NCS1: variants seen among roughly 807,000 people sequenced by gnomAD.
The protein encoded by NCS1 is frequenin homolog.
NCS1 carries 6 observed loss-of-function variants against 28.4 expected under a neutral mutation model. The ratio of observed to expected loss-of-function variants is 0.21; its 90% CI spans 0.12 to 0.42. The LOEUF (loss-of-function observed/expected upper bound fraction) is 0.42, where lower values mean the gene tolerates loss of function less well. Among genes scored for constraint, NCS1 ranks in the 10% least tolerant of loss-of-function variants. The pLI is 1.00. For synonymous variants in NCS1, 86 were observed against 99.3 expected, an observed-to-expected ratio of 0.87 and a Z score of 0.79; for missense variants, 131 against 241.4, an observed-to-expected ratio of 0.54 and a Z score of 3.03.
At chr9:130,194,959 G>T (rs1554906653) in intron 1 of NCS1, among the ~76,000 whole-genome samples, 2 of 152,242 alleles carry the variant, frequency 1.3e-5, no homozygotes, top group South Asian at 2.1e-4. Flanking sequence ...TCCCCTGTGT[G>T]CAGGGTGCTG....
intron 1 of NCS1, chr9:130,200,294 A>G (rs1832923834): frequency 2.2e-6 from 1 of 459,622 alleles, no homozygotes; most frequent in South Asian, 3.3e-5. Flanking sequence ...CTTTTCAGAA[A>G]AAGCATTTTT....
rs1832622703 is a variant in NCS1, at chr9:130,179,203, G to A, written c.64+6476G>A. 1.3e-5 allele frequency among the ~76,000 whole-genome samples: 2 copies of A among 151,750 alleles called. 1 individual carries two copies. Among genetic ancestry groups the A allele is most frequent in the Non-Finnish European group, 2.9e-5 (2 of 67,982 alleles). On this transcript the variant is annotated intron_variant, in intron 1 of 7. Transcript: ENST00000372398. The stretch of plus-strand genomic sequence containing the variant: ...TCACCTTGGCCTCCCAAAGTGCTGG[G>A]ATTACAGGCATGAGCCGCTGTCCCT...
At position 130,217,596 on chromosome 9, in the gene NCS1, G is replaced by A. The variant is rs148120652; in HGVS notation, c.90-236G>A. On this transcript the variant is annotated intron_variant, in intron 2 of 7. Coordinates refer to ENST00000372398, the MANE Select transcript of NCS1 (RefSeq NM_014286.4). ...TCTGGGTTAATTCCTATGTCAGTTC[G>A]TAACCCCCTTATGCAGACGAGGCTA... Among the ~76,000 whole-genome samples, 262 of 152,282 alleles carry A rather than the reference G, an allele frequency of 1.7e-3. 1 individual carries two copies. Among genetic ancestry groups the A allele is most frequent in the African/African-American group, 5.8e-3 (241 of 41,542 alleles).
At chr9:130,188,266 G>A (rs555567355) in intron 1 of NCS1, among the ~76,000 whole-genome samples, 1 of 152,192 alleles carries the variant, frequency 6.6e-6, no homozygotes, top group Non-Finnish European at 1.5e-5. Flanking sequence ...GCTCTGGATG[G>A]CCTCTGAGGC....
At chr9:130,196,886 T>G (rs1389412973) in intron 1 of NCS1, among the ~76,000 whole-genome samples, 1 of 152,254 alleles carries the variant, frequency 6.6e-6, no homozygotes, top group Admixed American at 6.5e-5. Flanking sequence ...TTTTTCCTGC[T>G]GATCTGGACC....
intron 6 of NCS1, among the ~76,000 whole-genome samples, chr9:130,224,962 C>A (rs781138161): frequency 2.0e-5 from 3 of 152,256 alleles, no homozygotes; most frequent in Non-Finnish European, 4.4e-5. Flanking sequence ...GAGGCCAAGG[C>A]GAGTGGATCA....
intron 6 of NCS1, 37 bp downstream of exon 6, chr9:130,223,196 A>G: frequency 1.9e-6 from 3 of 1,592,588 alleles, no homozygotes; most frequent in Non-Finnish European, 2.6e-6. Flanking sequence ...TGGACCAGGG[A>G]GGCAAGGTGT....
intron 2 of NCS1, among the ~76,000 whole-genome samples, chr9:130,207,431 C>T (rs1360878841): frequency 6.6e-6 from 1 of 152,200 alleles, no homozygotes; most frequent in Non-Finnish European, 1.5e-5. Flanking sequence ...CCCTGCTGTT[C>T]CTTTTGCTAA....
At chr9:130,229,694 G>A (rs1554911857) in intron 7 of NCS1, among the ~76,000 whole-genome samples, 1 of 152,208 alleles carries the variant, frequency 6.6e-6, no homozygotes, top group East Asian at 1.9e-4. Flanking sequence ...AAAGTGACAA[G>A]AGCCCTCGCA....
intron 6 of NCS1, among the ~76,000 whole-genome samples, chr9:130,225,312 TAA>T (rs1833396373): frequency 6.6e-6 from 1 of 152,216 alleles, no homozygotes; most frequent in African/African-American, 2.4e-5. Flanking sequence ...CTTTCTTAAT[TAA>T]AAAAGGGAGA....
At chr9:130,200,722 A>G (rs1322045468) in intron 1 of NCS1, 45 of 1,498,392 alleles carry the variant, frequency 3.0e-5, no homozygotes, top group Non-Finnish European at 4.0e-5. Context: ...AGTGGCAGGT[A>G]GCACTTGGGC....
At position 130,187,055 on chromosome 9, in the gene NCS1, C is replaced by T. The variant is rs1180453481; in HGVS notation, c.65-13903C>T. Among the ~76,000 whole-genome samples, 50 of 151,888 alleles carry T rather than the reference C, an allele frequency of 3.3e-4. 1 individual carries two copies. Among genetic ancestry groups the T allele is most frequent in the Admixed American group, 3.3e-3 (50 of 15,252 alleles). On this transcript the variant is annotated intron_variant, in intron 1 of 7. Coordinates refer to ENST00000372398, the MANE Select transcript of NCS1 (RefSeq NM_014286.4). ...GGTACCTGGAGAGGCGGGGCGGGGG[C>T]GCGGGCAGTGAGTTGGTCCCTCAGA...
At chr9:130,221,940 A>C (rs190993852) in intron 4 of NCS1, among the ~76,000 whole-genome samples, 2 of 96,126 alleles carry the variant, frequency 2.1e-5, no homozygotes, top group Admixed American at 1.5e-4. Flanking sequence ...AATTATGTAT[A>C]TATAAATATA....
At chr9:130,183,309 G>GC (rs63358362) in intron 1 of NCS1, among the ~76,000 whole-genome samples, 11,331 of 114,036 alleles carry the variant, frequency 0.099, 511 homozygotes, top group African/African-American at 0.14. Context: ...ATGCGGCTGG[G>GC]GGGGGGAGCT....
In NCS1 at chr9:130,181,728, G is replaced by A. The variant is rs1564702325; in HGVS notation, c.64+9001G>A. Among the ~76,000 whole-genome samples the A allele has an allele frequency of 6.6e-6, 1 of 152,164 alleles. No homozygotes were observed. The highest frequency in any genetic ancestry group is 6.5e-5 in the Admixed American group (1 of 15,278). On this transcript the variant is annotated intron_variant, in intron 1 of 7. Coordinates refer to ENST00000372398, the MANE Select transcript of NCS1 (RefSeq NM_014286.4). This position sits in a 1 kb window ranked among gnomAD's most constrained non-coding sequence, Gnocchi z 5.0. ...TGCAGGTGAGCGTGAGCGGGCCCGG[G>A]TGCCTGGTGTGGGTGTTGCAGGCAG... is the stretch of plus-strand genomic sequence containing the variant.
At chr9:130,187,424 C>T (rs899932687) in intron 1 of NCS1, among the ~76,000 whole-genome samples, 1 of 152,178 alleles carries the variant, frequency 6.6e-6, no homozygotes, top group Admixed American at 6.5e-5. Context: ...GAGCCGGAGT[C>T]AGGGCTGCTG....
rs532168572 is a variant in NCS1 at position 130,180,977 on chromosome 9, C to T, written c.64+8250C>T. Among the ~76,000 whole-genome samples the T allele has an allele frequency of 1.3e-5, 2 of 152,112 alleles. No homozygotes were observed. Among genetic ancestry groups the T allele is most frequent in the South Asian group, 2.1e-4 (1 of 4,830 alleles). On this transcript the variant is annotated intron_variant, in intron 1 of 7. Coordinates refer to ENST00000372398, the MANE Select transcript of NCS1 (RefSeq NM_014286.4). The surrounding 1 kb of genome is among the most constrained non-coding windows in gnomAD (Gnocchi z 4.5). ...GCAGGCTGGCTTTTAGGCTCCTGTG[C>T]GCCCAGGGGCTCAGAGGATGGACAG...
At chr9:130,194,001 G>A (rs1181722542) in intron 1 of NCS1, 4 of 152,662 alleles carry the variant, frequency 2.6e-5, no homozygotes, top group Admixed American at 6.5e-5. Context: ...GAGACACTCC[G>A]GCAGCCCTCA....
Position 130,186,426 on chromosome 9 carries a change from A to G in NCS1, c.64+13699A>G, listed in dbSNP as rs1554905637. On this transcript the variant is annotated intron_variant, in intron 1 of 7. Coordinates refer to ENST00000372398, the MANE Select transcript of NCS1 (RefSeq NM_014286.4). The surrounding 1 kb of genome is among the most constrained non-coding windows in gnomAD (Gnocchi z 4.1). The stretch of plus-strand genomic sequence containing the variant: ...TGAAAAATGATTTGCTGTTTACCTG[A>G]TATTTGAACTTAACAGGGTATCTGT... 6.6e-6 allele frequency among the ~76,000 whole-genome samples: 1 copy of G among 152,236 alleles called. No homozygotes were observed. The highest frequency in any genetic ancestry group is 2.4e-5 in the African/African-American group (1 of 41,538).
Sources: allele counts gnomAD v4.1 joint callset (sites outside exome capture counted in the v4.1 genomes callset), GRCh38; gene constraint gnomAD v4.1.1; non-coding constraint Gnocchi (gnomAD v3.1); transcripts MANE v1.5; gene names NCBI Gene and HGNC (gene_info 2026-07-23, HGNC 2026-07-21).